Variants in SLC16A7 observed in about 807,000 individuals in gnomAD.
SLC16A7 encodes solute carrier family 16 member 7.
In SLC16A7, 33 loss-of-function variants were observed where a neutral mutation model predicts 34.9. The observed-to-expected ratio is 0.94, with a 90% CI of 0.72 to 1.26. SLC16A7 has a LOEUF of 1.26. Ranked by LOEUF, SLC16A7 falls within the 50% of genes most tolerant of loss-of-function variation. SLC16A7 has a pLI of 0.00. For missense variants in SLC16A7, 573 were observed against 578.1 expected (o/e 0.99, Z 0.09); for synonymous variants, 201 against 206.6 (o/e 0.97, Z 0.23).
rs1333834658 is a variant in SLC16A7 at position 59,757,201 on chromosome 12, A to G, written c.218-14018A>G. Among the ~76,000 whole-genome samples the G allele has an allele frequency of 5.3e-5, 8 of 151,794 alleles. No homozygotes were observed. The South Asian group carries it at 1.3e-3, about 24-fold the overall frequency. On this transcript the variant is annotated intron_variant, in intron 3 of 5. Transcript: ENST00000547379. ...CAGCACACCAGCATGGCACATGTATACATATGTAACTAACCTGCACATTGT... is the reference window on the plus strand; with the variant it reads ...CAGCACACCAGCATGGCACATGTATGCATATGTAACTAACCTGCACATTGT...
rs547720013 is a variant in SLC16A7 at position 59,780,131 on chromosome 12, C to G, written c.*452C>G. On this transcript the variant is annotated 3_prime_UTR_variant, in exon 6 of 6. Transcript: ENST00000547379. ...AGAGACAATTAATTATCCCCTCTTA[C>G]ACACAAACACACATACTCCCACATA... The G allele has an allele frequency of 6.4e-6, 1 of 155,516 alleles. No individual in the cohort carries two copies. Among genetic ancestry groups the G allele is most frequent in the South Asian group, 1.9e-4 (1 of 5,166 alleles). The allele number at this position is 155,516 out of a possible 1,614,324, so 9.6% of individuals were successfully genotyped here. A position where few individuals can be genotyped will look rare whatever the true frequency, so the allele number is the denominator to read the frequency against.
At chr12:59,720,690 G>A (rs1210252472) in intron 3 of SLC16A7, among the ~76,000 whole-genome samples, 1 of 151,900 alleles carries the variant, frequency 6.6e-6, no homozygotes, top group African/African-American at 2.4e-5. Context: ...CCTTAAACTT[G>A]TCATTATCAA....
chr12:59,722,455 C>T (rs1404192390), intron 3 of SLC16A7, among the ~76,000 whole-genome samples: 1 of 151,756 alleles, frequency 6.6e-6, no homozygotes, highest in Non-Finnish European at 1.5e-5. Flanking sequence ...CAATCATGTC[C>T]GAGCCTACCT....
intron 3 of SLC16A7, among the ~76,000 whole-genome samples, chr12:59,734,341 A>G (rs1877332872): frequency 1.3e-5 from 2 of 152,212 alleles, no homozygotes; most frequent in Admixed American, 6.5e-5. Context: ...CCAGATCACA[A>G]CAGCACCCAG....
In SLC16A7 at chr12:59,755,264, G is replaced by A. The variant is rs1389296949; in HGVS notation, c.218-15955G>A. ...TGGAAGTTCTGGCCAGGGCAATTAG[G>A]CAGGGGAAGGAAATAAAGGGTATTC... On this transcript the variant is annotated intron_variant, in intron 3 of 5. Coordinates refer to ENST00000547379, the MANE Select transcript of SLC16A7 (RefSeq NM_001270623.2). Among the ~76,000 whole-genome samples, 3 of 152,162 alleles carry A rather than the reference G, an allele frequency of 2.0e-5. No homozygotes were observed. In the East Asian group the frequency reaches 5.8e-4, roughly 29 times the overall value.
At chr12:59,759,137 G>A (rs1880732451) in intron 3 of SLC16A7, among the ~76,000 whole-genome samples, 1 of 152,010 alleles carries the variant, frequency 6.6e-6, no homozygotes, top group East Asian at 1.9e-4. Context: ...ATGTAACTTG[G>A]AACTTTTATC....
intron 1 of SLC16A7, among the ~76,000 whole-genome samples, chr12:59,601,064 A>G (rs1878659227): frequency 6.6e-6 from 1 of 152,234 alleles, no homozygotes; most frequent in Admixed American, 6.5e-5. Context: ...AGCAACTTTC[A>G]ATAGAAAATA....
chr12:59,654,138 G>A (rs1341951181), intron 1 of SLC16A7, among the ~76,000 whole-genome samples: 1 of 151,038 alleles, frequency 6.6e-6, no homozygotes, highest in Non-Finnish European at 1.5e-5. Context: ...ATTATGTGGT[G>A]CCATAGTTAT....
intron 3 of SLC16A7, chr12:59,720,153 C>CAA: frequency 1.5e-6 from 1 of 683,862 alleles, no homozygotes; most frequent in Non-Finnish European, 2.6e-6. Flanking sequence ...GTCTAAAGAA[C>CAA]ACAATTGGAA....
At chr12:59,712,982 T>C (rs1874418447) in intron 3 of SLC16A7, among the ~76,000 whole-genome samples, 1 of 152,158 alleles carries the variant, frequency 6.6e-6, no homozygotes, top group African/African-American at 2.4e-5. Flanking sequence ...CTGAAAACTT[T>C]CTATGGATGT....
At position 59,709,295 on chromosome 12, in the gene SLC16A7, G is replaced by C. The variant is rs111661759; in HGVS notation, c.217+4277G>C. On this transcript the variant is annotated intron_variant, in intron 3 of 5. Transcript: ENST00000547379. ...TGTCTCCATGGTAACTTATTTTTCT[G>C]TTTTATGTGAATAGTGACGGCCAAT... Among the ~76,000 whole-genome samples the C allele has an allele frequency of 6.1e-4, 92 of 151,568 alleles. 6 individuals are homozygous for C. The highest frequency in any genetic ancestry group is 2.2e-3 in the African/African-American group (89 of 40,964).
At chr12:59,727,170 A>ATATATATATATATATATATATATAAAAT (rs1555174538) in intron 3 of SLC16A7, among the ~76,000 whole-genome samples, 4 of 144,380 alleles carry the variant, frequency 2.8e-5, no homozygotes, top group African/African-American at 8.0e-5. Flanking sequence ...ATATATATAT[A>ATATATATATATATATATATATATAAAAT]ATATATATAT....
chr12:59,676,647 A>G (rs760006962), intron 2 of SLC16A7, among the ~76,000 whole-genome samples: 1 of 152,152 alleles, frequency 6.6e-6, no homozygotes, highest in Non-Finnish European at 1.5e-5. Context: ...CTAAGTTATT[A>G]TAATGTTTAA....
chr12:59,760,212 T>C (rs1880858414), intron 3 of SLC16A7, among the ~76,000 whole-genome samples: 1 of 152,108 alleles, frequency 6.6e-6, no homozygotes, highest in Admixed American at 6.6e-5. Flanking sequence ...CTAGATTTTA[T>C]TCCCTCTAAA....
At position 59,775,186 on chromosome 12, in the gene SLC16A7, G is replaced by A; in HGVS notation, c.891G>A (p.Arg297=). 6.2e-7 allele frequency: 1 copy of A among 1,614,052 alleles called. No individual in the cohort carries two copies. Among genetic ancestry groups the A allele is most frequent in the Non-Finnish European group, 8.5e-7 (1 of 1,180,008 alleles). The change falls in exon 5 of 6, where the codon AGG becomes AGA. Residue 297 remains arginine, a synonymous_variant. Transcript: ENST00000547379. Reference sequence around the variant, plus strand: ...TGGCTTTCGTTGATATGTTTGCTAGGCCTTCTGTAGGATTAATTGCAAACT... The same window carrying A: ...TGGCTTTCGTTGATATGTTTGCTAGACCTTCTGTAGGATTAATTGCAAACT... ...SVMAFVDMFA[R]PSVGLIANSK... is the part of the protein sequence containing the mutation.
chr12:59,641,583 G>A (rs957419609), intron 1 of SLC16A7, among the ~76,000 whole-genome samples: 1 of 151,954 alleles, frequency 6.6e-6, no homozygotes, highest in South Asian at 2.1e-4. Flanking sequence ...TATCAGCATA[G>A]GAAACAAAAT....
At chr12:59,722,981 T>G (rs1875787875) in intron 3 of SLC16A7, among the ~76,000 whole-genome samples, 2 of 151,910 alleles carry the variant, frequency 1.3e-5, no homozygotes, top group African/African-American at 4.8e-5. Context: ...TTTACTTTAA[T>G]TTAAATTTTA....
chr12:59,765,432 C>T (rs893230269), intron 3 of SLC16A7, among the ~76,000 whole-genome samples: 2 of 152,132 alleles, frequency 1.3e-5, no homozygotes, highest in African/African-American at 2.4e-5. Context: ...AATGGTAATG[C>T]CTAGGTTTTC....
intron 3 of SLC16A7, chr12:59,734,141 G>A (rs185771205): frequency 1.5e-4 from 32 of 216,854 alleles, no homozygotes; most frequent in African/African-American, 7.3e-4. Context: ...TTTCTGCCCA[G>A]GAATCTGTCT....
Sources: gnomAD v4.1 joint callset for allele counts (sites outside exome capture counted in the v4.1 genomes callset) on GRCh38, gnomAD v4.1.1 for gene constraint, MANE v1.5 for transcripts, NCBI Gene and HGNC (gene_info 2026-07-23, HGNC 2026-07-21) for gene names.